The following WDR7 variants were observed in gnomAD, a reference collection of about 807,000 sequenced individuals.
WDR7 encodes WD repeat domain 7, also known as WD repeat-containing protein 7.
A neutral mutation model predicts 169.4 loss-of-function variants in WDR7; 46 were observed. The ratio of observed to expected loss-of-function variants is 0.27; its 90% CI spans 0.21 to 0.35. The LOEUF is 0.35. Ranked by LOEUF, WDR7 falls within the 10% of genes least tolerant of loss-of-function variation. The pLI is 1.00. For synonymous variants in WDR7, 612 were observed against 666.8 expected (o/e 0.92, Z 1.27); for missense variants, 1,534 against 1,859.3 (o/e 0.83, Z 3.22).
intron 26 of WDR7, among the ~76,000 whole-genome samples, chr18:56,987,285 C>CAA (rs74182165): frequency 0.14 from 10,871 of 75,162 alleles, 1,675 homozygotes; most frequent in Non-Finnish European, 0.2. Flanking sequence ...TCATCTGTAC[C>CAA]AAAAAAAAAA....
chr18:56,744,245 GA>G (rs58110613), intron 14 of WDR7, among the ~76,000 whole-genome samples: 10,340 of 86,780 alleles, frequency 0.12, 308 homozygotes, highest in Middle Eastern at 0.16. Context: ...TCTCAAAAAA[GA>G]AAAAAAAAAA....
intron 19 of WDR7, among the ~76,000 whole-genome samples, chr18:56,788,865 T>C (rs1407327189): frequency 6.6e-6 from 1 of 152,236 alleles, no homozygotes; most frequent in Non-Finnish European, 1.5e-5. Flanking sequence ...TACTAAATTA[T>C]GACTGAGTGA....
At chr18:57,017,887 G>GTACC in intron 26 of WDR7, among the ~76,000 whole-genome samples, 1 of 152,278 alleles carries the variant, frequency 6.6e-6, no homozygotes, top group East Asian at 1.9e-4. Flanking sequence ...TGAAATAGAA[G>GTACC]TACCCTTCAC....
intron 16 of WDR7, among the ~76,000 whole-genome samples, chr18:56,774,555 T>A (rs1230801783): frequency 6.6e-6 from 1 of 152,146 alleles, no homozygotes; most frequent in African/African-American, 2.4e-5. Context: ...CTTGATTATG[T>A]TTTATGGTGT....
At chr18:56,724,197 A>T in intron 13 of WDR7, among the ~76,000 whole-genome samples, 4 of 132,324 alleles carry the variant, frequency 3.0e-5, no homozygotes, top group Admixed American at 1.6e-4. Context: ...CATTTTTTTG[A>T]CATGCCTGGT....
intron 26 of WDR7, among the ~76,000 whole-genome samples, chr18:56,981,150 A>G (rs151065796): frequency 6.6e-6 from 1 of 152,286 alleles, no homozygotes; most frequent in East Asian, 1.9e-4. Flanking sequence ...ATAAAGCCTA[A>G]AGGTAAAATT....
chr18:56,924,086 G>T lies in WDR7; in HGVS notation c.3691G>T (p.Asp1231Tyr), dbSNP rs761722912. The change falls in exon 22 of 28, where the codon GAT becomes TAT. Residue 1231 changes from aspartate (D) to tyrosine (Y), a missense_variant. Transcript: ENST00000254442. The stretch of plus-strand genomic sequence containing the variant: ...GATGGGGCTTCTCGAACTTTGTGCC[G>T]ATGCCGAGAAACAACTTGCCAAGTA... Reference protein sequence around the residue: ...VLMGLLELCADAEKQLANITM... With the variant: ...VLMGLLELCAYAEKQLANITM... 6.2e-7 allele frequency: 1 copy of T among 1,612,034 alleles called. No homozygotes were observed. The highest frequency in any genetic ancestry group is 1.1e-5 in the South Asian group (1 of 90,394).
intron 14 of WDR7, among the ~76,000 whole-genome samples, chr18:56,747,951 T>G (rs138054314): frequency 6.6e-6 from 1 of 152,128 alleles, no homozygotes; most frequent in Non-Finnish European, 1.5e-5. Context: ...CTTGTTCTTA[T>G]GGAGTGGAGC....
chr18:56,699,041 A>T (rs1303670696), intron 12 of WDR7, among the ~76,000 whole-genome samples: 2 of 152,354 alleles, frequency 1.3e-5, no homozygotes, highest in Middle Eastern at 3.4e-3. Context: ...GTTAAATTTT[A>T]AAAAATTGAA....
intron 26 of WDR7, among the ~76,000 whole-genome samples, chr18:56,970,378 T>C (rs1328780150): frequency 6.6e-6 from 1 of 152,152 alleles, no homozygotes; most frequent in Non-Finnish European, 1.5e-5. Flanking sequence ...CTGATTTTTT[T>C]CCAGCACATT....
chr18:56,786,027 A>G (rs2044394412), intron 19 of WDR7, among the ~76,000 whole-genome samples: 1 of 152,098 alleles, frequency 6.6e-6, no homozygotes, highest in Non-Finnish European at 1.5e-5. Flanking sequence ...AAAGTGCATA[A>G]TACAAGTACA....
At chr18:56,915,848 G>A (rs1223596944) in intron 21 of WDR7, among the ~76,000 whole-genome samples, 1 of 152,202 alleles carries the variant, frequency 6.6e-6, no homozygotes, top group Non-Finnish European at 1.5e-5. Flanking sequence ...TCTTCTGTTA[G>A]CATTGGTTGC....
intron 26 of WDR7, among the ~76,000 whole-genome samples, chr18:57,017,149 A>G (rs945168630): frequency 5.9e-5 from 9 of 152,250 alleles, no homozygotes; most frequent in African/African-American, 2.2e-4. Flanking sequence ...GCCTGCACAG[A>G]TCTTAGAAGT....
At chr18:56,972,596 G>A (rs2047504609) in intron 26 of WDR7, among the ~76,000 whole-genome samples, 1 of 152,152 alleles carries the variant, frequency 6.6e-6, no homozygotes, top group Admixed American at 6.5e-5. Context: ...AAGATGAATG[G>A]TTGGAGAAGA....
At chr18:56,911,764 T>A (rs180728410) in intron 21 of WDR7, among the ~76,000 whole-genome samples, 48 of 152,340 alleles carry the variant, frequency 3.2e-4, no homozygotes, top group African/African-American at 1.0e-3. Context: ...ATTTATCTTG[T>A]AATGATAGCT....
chr18:56,848,269 T>C (rs1027350192), intron 20 of WDR7, among the ~76,000 whole-genome samples: 5 of 152,220 alleles, frequency 3.3e-5, no homozygotes, highest in African/African-American at 9.6e-5. Context: ...CTATTGCCAC[T>C]TTGTTCTGGC....
intron 21 of WDR7, among the ~76,000 whole-genome samples, chr18:56,888,804 G>A (rs2046229582): frequency 6.6e-6 from 1 of 152,150 alleles, no homozygotes; most frequent in South Asian, 2.1e-4. Context: ...ATTTCCCGAG[G>A]CAGCAGACTC....
At chr18:56,704,889 A>G (rs1174789156) in intron 12 of WDR7, among the ~76,000 whole-genome samples, 2 of 152,222 alleles carry the variant, frequency 1.3e-5, no homozygotes, top group Middle Eastern at 3.2e-3. Flanking sequence ...AGCTGATTAA[A>G]TTGACTTTTT....
chr18:56,725,584 T>G lies in WDR7; in HGVS notation c.1775-5799T>G, dbSNP rs1450046577. On this transcript the variant is annotated intron_variant, in intron 13 of 27. Transcript: ENST00000254442. ...TGTCAGATGAGTAGATTGCAAAAATTTTCTCCCATTCTGTAGGTTGCCTGT... is the reference window on the plus strand; with the variant it reads ...TGTCAGATGAGTAGATTGCAAAAATGTTCTCCCATTCTGTAGGTTGCCTGT... Among the ~76,000 whole-genome samples the G allele has an allele frequency of 3.3e-5, 5 of 152,316 alleles. No individual in the cohort carries two copies. In the East Asian group the frequency reaches 7.7e-4, roughly 23 times the overall value.
Sources: allele counts gnomAD v4.1 joint callset (sites outside exome capture counted in the v4.1 genomes callset), GRCh38; gene constraint gnomAD v4.1.1; transcripts MANE v1.5; gene names NCBI Gene and HGNC (gene_info 2026-07-23, HGNC 2026-07-21).